Variants in STK3 observed in about 807,000 individuals in gnomAD.
STK3 encodes the protein serine/threonine-protein kinase 3.
In STK3, 41 loss-of-function variants were observed where a neutral mutation model predicts 58.0. The ratio of observed to expected loss-of-function variants is 0.71; its 90% CI spans 0.55 to 0.92. STK3 has a LOEUF of 0.92. Among genes scored for constraint, STK3 ranks in the 40% least tolerant of loss-of-function variants. The pLI, the probability that STK3 is intolerant of heterozygous loss-of-function variation, is 0.00. For synonymous variants in STK3, 170 were observed against 191.0 expected (o/e 0.89, Z 0.91); for missense variants, 479 against 602.7 (o/e 0.79, Z 2.15).
chr8:98,653,993 A>G lies in STK3; in HGVS notation c.684+52474T>C, dbSNP rs567509819. Among the ~76,000 whole-genome samples the G allele has an allele frequency of 1.8e-3, 278 of 152,354 alleles. 1 individual carries two copies. The highest frequency in any genetic ancestry group is 6.5e-3 in the African/African-American group (270 of 41,578). On this transcript the variant is annotated intron_variant, in intron 6 of 10. Transcript: ENST00000419617. Reference sequence around the variant, plus strand: ...CCCTAACTCATTTTATGAGGCCAGCATCATCCTGATACCAAAGCCTGACAG... The same window carrying G: ...CCCTAACTCATTTTATGAGGCCAGCGTCATCCTGATACCAAAGCCTGACAG...
chr8:98,671,824 TA>T (rs1004359407), intron 6 of STK3, among the ~76,000 whole-genome samples: 15 of 152,204 alleles, frequency 9.9e-5, no homozygotes, highest in Non-Finnish European at 1.9e-4. Context: ...CCTTGAATTG[TA>T]ATAATCCTCA....
At chr8:98,574,499 A>G (rs1813224745) in intron 8 of STK3, among the ~76,000 whole-genome samples, 1 of 152,216 alleles carries the variant, frequency 6.6e-6, no homozygotes, top group Non-Finnish European at 1.5e-5. Context: ...TAAGAAGCTT[A>G]AAGGCATTGT....
intron 1 of STK3, chr8:98,889,640 T>C (rs989423464): frequency 1.3e-5 from 2 of 152,218 alleles, no homozygotes; most frequent in Non-Finnish European, 2.9e-5. Flanking sequence ...CAAGGTATAA[T>C]GGAACAAGGG....
In STK3 at chr8:98,759,640, T is replaced by TA. The variant is rs879331486; in HGVS notation, c.236+7602dup. Among the ~76,000 whole-genome samples, 171 of 144,466 alleles carry TA rather than the reference T, an allele frequency of 1.2e-3. 1 individual carries two copies. The Middle Eastern group carries it at 0.025, about 21-fold the overall frequency. The allele number at this position is 144,466 out of a possible 152,430, so 94.8% of individuals were successfully genotyped here. On this transcript the variant is annotated intron_variant, in intron 3 of 10. Coordinates refer to ENST00000419617, the MANE Select transcript of STK3 (RefSeq NM_006281.4). The stretch of plus-strand genomic sequence containing the variant: ...AGTACAGTTGCCACAAACCTTCAAT[T>TA]AAAAAAAAAAAATGCAGCATCTGCA...
rs570485308 is a variant in STK3 at position 98,838,645 on chromosome 8, A to G, written c.110+45002T>C. ...AAAGTAAGCTCAAATTCAATTGCAA[A>G]AAGTTTGGAAAGATGAAAATTTTTA... is the stretch of plus-strand genomic sequence containing the variant. On this transcript the variant is annotated intron_variant, in intron 3 of 12. Transcript: ENST00000523601. Among the ~76,000 whole-genome samples, 3 of 152,302 alleles carry G rather than the reference A, an allele frequency of 2.0e-5. No homozygotes were observed. The East Asian group carries it at 5.8e-4, about 29-fold the overall frequency.
intron 6 of STK3, chr8:98,633,473 G>C: frequency 1.7e-6 from 1 of 599,640 alleles, no homozygotes; most frequent in East Asian, 3.0e-5. Context: ...TACTGATCCA[G>C]AAGAAGGTAG....
At chr8:98,908,972 A>G (rs1038513174) in intron 1 of STK3, among the ~76,000 whole-genome samples, 14 of 152,176 alleles carry the variant, frequency 9.2e-5, no homozygotes, top group African/African-American at 3.4e-4. Context: ...CCTGGCCAAG[A>G]TGGTGAAACC....
chr8:98,589,166 G>T (rs1586946019), intron 7 of STK3, among the ~76,000 whole-genome samples: 1 of 152,216 alleles, frequency 6.6e-6, no homozygotes, highest in Non-Finnish European at 1.5e-5. Context: ...TGGAGGAGGA[G>T]AGGCACTCTG....
chr8:98,408,470 T>A (rs1236061158), intron 3 of STK3, among the ~76,000 whole-genome samples: 1 of 152,162 alleles, frequency 6.6e-6, no homozygotes, highest in Non-Finnish European at 1.5e-5. Flanking sequence ...GCCACGGCCA[T>A]GAGAAAGACC....
At chr8:98,723,817 A>G (rs530334796) in intron 4 of STK3, among the ~76,000 whole-genome samples, 5 of 152,238 alleles carry the variant, frequency 3.3e-5, no homozygotes, top group African/African-American at 1.2e-4. Context: ...AAATTGATCG[A>G]AACTCACCAA....
At chr8:98,759,363 G>A (rs1012576709) in intron 3 of STK3, among the ~76,000 whole-genome samples, 3 of 151,596 alleles carry the variant, frequency 2.0e-5, no homozygotes, top group Admixed American at 1.3e-4. Flanking sequence ...TGGGGCCCAC[G>A]GCCTAGCAGT....
At chr8:98,925,546 G>A (rs1423626476) in intron 1 of STK3, among the ~76,000 whole-genome samples, 2 of 152,206 alleles carry the variant, frequency 1.3e-5, no homozygotes, top group African/African-American at 2.4e-5. Context: ...GCACTTTACT[G>A]TATAGAAGGC....
chr8:98,549,680 T>C (rs1811004652), intron 8 of STK3, among the ~76,000 whole-genome samples: 1 of 152,054 alleles, frequency 6.6e-6, no homozygotes, highest in African/African-American at 2.4e-5. Context: ...AAATTAAAAG[T>C]GCTCTTTAGA....
intron 1 of STK3, among the ~76,000 whole-genome samples, chr8:98,885,551 C>T (rs868811813): frequency 2.0e-5 from 3 of 152,082 alleles, no homozygotes; most frequent in Non-Finnish European, 4.4e-5. Context: ...GCGATTCTCC[C>T]GCTTCAGCCT....
At position 98,614,587 on chromosome 8, in the gene STK3, GGCCAGTGGGTGTGCGCACCGTGCGC is replaced by G. The variant is rs546928182; in HGVS notation, c.685-18443_685-18419del. Among the ~76,000 whole-genome samples, 1,269 of 152,284 alleles carry G rather than the reference GGCCAGTGGGTGTGCGCACCGTGCGC, an allele frequency of 8.3e-3. 14 individuals are homozygous for G. Among genetic ancestry groups the G allele is most frequent in the African/African-American group, 0.028 (1,168 of 41,544 alleles). ...TAGGGAGTGCCAGACAGTGGGCGCA[GGCCAGTGGGTGTGCGCACCGTGCGC>G]GAGCCGAAGCAGGGCGAGGCATTGC... On this transcript the variant is annotated intron_variant, in intron 6 of 10. Coordinates refer to ENST00000419617, the MANE Select transcript of STK3 (RefSeq NM_006281.4).
intron 1 of STK3, among the ~76,000 whole-genome samples, chr8:98,803,850 C>T (rs1833746058): frequency 6.6e-6 from 1 of 151,998 alleles, no homozygotes; most frequent in African/African-American, 2.4e-5. Flanking sequence ...TAGGGTAATC[C>T]AAAGAAAATT....
intron 1 of STK3, among the ~76,000 whole-genome samples, chr8:98,447,051 CACATAG>C (rs1289133106): frequency 6.6e-6 from 1 of 152,028 alleles, no homozygotes; most frequent in Non-Finnish European, 1.5e-5. Context: ...AACACATGGA[CACATAG>C]AGGCGAACAA....
intron 6 of STK3, among the ~76,000 whole-genome samples, chr8:98,638,963 A>G (rs1039655508): frequency 6.6e-6 from 1 of 152,212 alleles, no homozygotes; most frequent in South Asian, 2.1e-4. Context: ...GTAAAAATTA[A>G]CAATAATTAA....
intron 2 of STK3, among the ~76,000 whole-genome samples, chr8:98,375,271 C>CAA (rs10659549): frequency 0.56 from 77,776 of 138,130 alleles, 22,596 homozygotes; most frequent in Non-Finnish European, 0.68. Flanking sequence ...AAAAAAAAAA[C>CAA]AAAAAAAAAC....
Sources: allele counts gnomAD v4.1 joint callset (sites outside exome capture counted in the v4.1 genomes callset), GRCh38; gene constraint gnomAD v4.1.1; transcripts MANE v1.5; gene names NCBI Gene and HGNC (gene_info 2026-07-23, HGNC 2026-07-21).